The following RPS6KA2 variants were observed in gnomAD, a reference collection of about 807,000 sequenced individuals.
The protein encoded by RPS6KA2 is ribosomal protein S6 kinase alpha-2.
Under a neutral mutation model 91.8 loss-of-function variants are expected in RPS6KA2, and 42 were observed. That is an observed-to-expected ratio of 0.46 (90% CI 0.36 to 0.59). The LOEUF is 0.59. Among genes scored for constraint, RPS6KA2 ranks in the 20% least tolerant of loss-of-function variants. RPS6KA2 has a pLI of 0.00. For missense variants in RPS6KA2, 798 were observed against 978.5 expected (o/e 0.82, Z 2.46); for synonymous variants, 414 against 393.6 (o/e 1.05, Z -0.61).
intron 10 of RPS6KA2, among the ~76,000 whole-genome samples, chr6:166,481,601 T>C (rs1781217395): frequency 1.3e-5 from 2 of 152,282 alleles, no homozygotes; most frequent in South Asian, 4.1e-4. Context: ...TTAAAGTATG[T>C]GCTGCAGAGT....
At position 166,648,130 on chromosome 6, in the gene RPS6KA2, A is replaced by G. The variant is rs1046452519; in HGVS notation, c.124-109346T>C. 6.7e-6 allele frequency among the ~76,000 whole-genome samples: 1 copy of G among 150,158 alleles called. No homozygotes were observed. Among genetic ancestry groups the G allele is most frequent in the Non-Finnish European group, 1.5e-5 (1 of 67,584 alleles). ...CACGTGCACACACACGCTCATACAC[A>G]TACATGCACACACGCACATGGTTAC... On this transcript the variant is annotated intron_variant, in intron 2 of 21. Coordinates refer to the RPS6KA2 transcript ENST00000503859. This position sits in a 1 kb window ranked among gnomAD's most constrained non-coding sequence, Gnocchi z 4.8.
intron 1 of RPS6KA2, among the ~76,000 whole-genome samples, chr6:166,601,962 C>T (rs1785746593): frequency 1.3e-5 from 2 of 152,136 alleles, no homozygotes; most frequent in Non-Finnish European, 2.9e-5. Flanking sequence ...ATAGCATTTA[C>T]AATGCATGTA....
intron 10 of RPS6KA2, among the ~76,000 whole-genome samples, chr6:166,473,201 T>C (rs913136762): frequency 1.3e-5 from 2 of 152,166 alleles, no homozygotes; most frequent in African/African-American, 4.8e-5. Flanking sequence ...ATGGATTTTT[T>C]TTTTTATTTT....
intron 2 of RPS6KA2, among the ~76,000 whole-genome samples, chr6:166,822,337 T>G (rs1161413698): frequency 6.6e-6 from 1 of 152,194 alleles, no homozygotes; most frequent in Non-Finnish European, 1.5e-5. Context: ...CCAATCTGAC[T>G]GGTATCCTCA....
At chr6:166,796,906 C>T (rs1228094308) in intron 2 of RPS6KA2, among the ~76,000 whole-genome samples, 1 of 152,248 alleles carries the variant, frequency 6.6e-6, no homozygotes, top group African/African-American at 2.4e-5. Flanking sequence ...ACTCTTTTCT[C>T]CCGCTAATCT....
intron 17 of RPS6KA2, among the ~76,000 whole-genome samples, chr6:166,421,961 G>A (rs139546649): frequency 3.9e-4 from 59 of 152,166 alleles, no homozygotes; most frequent in Non-Finnish European, 6.9e-4. Context: ...GTGCAGTGGC[G>A]TGATCTCGGC....
At chr6:166,664,814 A>G (rs762339296) in intron 2 of RPS6KA2, among the ~76,000 whole-genome samples, 2 of 152,208 alleles carry the variant, frequency 1.3e-5, no homozygotes, top group Non-Finnish European at 2.9e-5. Flanking sequence ...AAAGAAAAGA[A>G]AGATGATACA....
intron 15 of RPS6KA2, among the ~76,000 whole-genome samples, chr6:166,431,208 G>A (rs542343670): frequency 7.2e-5 from 11 of 152,372 alleles, no homozygotes; most frequent in African/African-American, 1.4e-4. Context: ...GATTACAGGC[G>A]TGAGCCATAG....
intron 2 of RPS6KA2, among the ~76,000 whole-genome samples, chr6:166,718,322 A>T (rs1030292981): frequency 6.6e-6 from 1 of 152,178 alleles, no homozygotes; most frequent in Non-Finnish European, 1.5e-5. Context: ...GGGGGAGGTT[A>T]GTCCCCACAG....
At position 166,412,596 on chromosome 6, in the gene RPS6KA2, T is replaced by A. The variant is rs990092742; in HGVS notation, c.*166A>T. 1.5e-6 allele frequency: 1 copy of A among 657,284 alleles called. No homozygotes were observed. The highest frequency in any genetic ancestry group is 1.9e-5 in the African/African-American group (1 of 53,908). 40.7% of individuals were successfully genotyped at this position (657,284 alleles called of 1,614,324 possible). On this transcript the variant is annotated 3_prime_UTR_variant, in exon 21 of 21. Coordinates refer to ENST00000265678, the MANE Select transcript of RPS6KA2 (RefSeq NM_021135.6). This position sits in a 1 kb window ranked among gnomAD's most constrained non-coding sequence, Gnocchi z 4.3. ...AGTGAGGCTTGGAGAAGCCCCCAGGTCAGGACCCTCTCCGGGGCTGAAAAA... is the reference window on the plus strand; with the variant it reads ...AGTGAGGCTTGGAGAAGCCCCCAGGACAGGACCCTCTCCGGGGCTGAAAAA...
intron 2 of RPS6KA2, among the ~76,000 whole-genome samples, chr6:166,683,365 A>C (rs1788897256): frequency 6.6e-6 from 1 of 152,262 alleles, no homozygotes; most frequent in African/African-American, 2.4e-5. Flanking sequence ...TTTCCAAGCA[A>C]GCAGTGAGTA....
chr6:166,763,616 T>TG (rs1386394889), intron 2 of RPS6KA2, among the ~76,000 whole-genome samples: 1 of 152,186 alleles, frequency 6.6e-6, no homozygotes, highest in Non-Finnish European at 1.5e-5. Context: ...TGGATTTCCT[T>TG]GGGGGAACAA....
chr6:166,507,396 CA>C (rs1344093143), intron 5 of RPS6KA2, among the ~76,000 whole-genome samples: 9 of 138,054 alleles, frequency 6.5e-5, no homozygotes, highest in African/African-American at 2.2e-4. Flanking sequence ...ACACCCACCC[CA>C]CATCACACAT....
chr6:166,526,306 A>G (rs1783028194), intron 3 of RPS6KA2, among the ~76,000 whole-genome samples: 1 of 151,866 alleles, frequency 6.6e-6, no homozygotes, highest in Non-Finnish European at 1.5e-5. Context: ...AACACAAGGA[A>G]ACAAAAATGT....
At chr6:166,749,842 C>A (rs984470882) in intron 2 of RPS6KA2, among the ~76,000 whole-genome samples, 2 of 150,092 alleles carry the variant, frequency 1.3e-5, no homozygotes, top group African/African-American at 4.9e-5. Context: ...CAGCGGGAGC[C>A]TGGCCTCTCC....
In RPS6KA2 at chr6:166,500,333, G is replaced by A. The variant is rs1781980225; in HGVS notation, c.604+554C>T. Reference sequence around the variant, plus strand: ...ATACAAATGGGGTGTCCTGAGACTAGAGGAGCTGTTGCCAGTTTGACTGAA... The same window carrying A: ...ATACAAATGGGGTGTCCTGAGACTAAAGGAGCTGTTGCCAGTTTGACTGAA... On this transcript the variant is annotated intron_variant, in intron 7 of 20. Coordinates refer to ENST00000265678, the MANE Select transcript of RPS6KA2 (RefSeq NM_021135.6). The surrounding 1 kb of genome is among the most constrained non-coding windows in gnomAD (Gnocchi z 4.3). Among the ~76,000 whole-genome samples the A allele has an allele frequency of 6.6e-6, 1 of 152,240 alleles. No homozygotes were observed. The highest frequency in any genetic ancestry group is 6.5e-5 in the Admixed American group (1 of 15,284).
Position 166,418,990 on chromosome 6 carries a change from C to G in RPS6KA2, c.1821-648G>C, listed in dbSNP as rs1162061378. Among the ~76,000 whole-genome samples, 1 of 152,200 alleles carries G rather than the reference C, an allele frequency of 6.6e-6. No homozygotes were observed. The highest frequency in any genetic ancestry group is 2.4e-5 in the African/African-American group (1 of 41,450). On this transcript the variant is annotated intron_variant, in intron 18 of 20. Transcript: ENST00000265678. This position sits in a 1 kb window ranked among gnomAD's most constrained non-coding sequence, Gnocchi z 4.9. ...AGTATTAGAAGCGTCACAAAGTAACCTGACTGTGGTATTGGTAAGAAACTG... is the reference window on the plus strand; with the variant it reads ...AGTATTAGAAGCGTCACAAAGTAACGTGACTGTGGTATTGGTAAGAAACTG...
chr6:166,458,643 T>G (rs188560888), intron 12 of RPS6KA2, among the ~76,000 whole-genome samples: 1 of 152,242 alleles, frequency 6.6e-6, no homozygotes, highest in Admixed American at 6.5e-5. Context: ...TTGCTGTCTT[T>G]GCACACACAG....
intron 2 of RPS6KA2, among the ~76,000 whole-genome samples, chr6:166,688,583 T>C (rs1417549889): frequency 6.6e-6 from 1 of 152,072 alleles, no homozygotes; most frequent in Non-Finnish European, 1.5e-5. Context: ...AAGAAGCAGG[T>C]GGCTAGGAGA....
Sources: gnomAD v4.1 joint callset for allele counts (sites outside exome capture counted in the v4.1 genomes callset) on GRCh38, gnomAD v4.1.1 for gene constraint, Gnocchi (gnomAD v3.1) non-coding constraint, MANE v1.5 for transcripts, NCBI Gene and HGNC (gene_info 2026-07-23, HGNC 2026-07-21) for gene names.